Variants in AKAP12 observed in about 807,000 individuals in gnomAD.
AKAP12 encodes the protein A-kinase anchoring protein 12.
Under a neutral mutation model 79.9 loss-of-function variants are expected in AKAP12, and 32 were observed. The ratio of observed to expected loss-of-function variants is 0.40; its 90% CI spans 0.30 to 0.54. The LOEUF (loss-of-function observed/expected upper bound fraction) is 0.54, where lower values mean the gene tolerates loss of function less well. Ranked by LOEUF, AKAP12 falls within the 20% of genes least tolerant of loss-of-function variation. AKAP12 has a pLI of 0.48. For synonymous variants in AKAP12, 808 were observed against 857.0 expected, an observed-to-expected ratio of 0.94 and a Z score of 1.00; for missense variants, 2,074 against 2,177.0, an observed-to-expected ratio of 0.95 and a Z score of 0.94.
chr6:151,350,147 G>A lies in AKAP12; in HGVS notation c.1756G>A (p.Val586Met), dbSNP rs1158853974. Residue 586 changes from valine to methionine, a missense_variant, in exon 4 of 5, where the codon GTG becomes ATG. By Grantham distance (21) the Val-to-Met change is conservative (BLOSUM62 1). Coordinates refer to ENST00000402676, the MANE Select transcript of AKAP12 (RefSeq NM_005100.4). This position sits in a 1 kb window ranked among gnomAD's most constrained non-coding sequence, Gnocchi z 4.8. ...GTGTCTGGAAAAGGGCTTAGCCGAG[G>A]TGCAGCAGGATGGGGAAGCTGAAGA... ...ITCLEKGLAE[V>M]QQDGEAEEGA... The A allele has an allele frequency of 3.1e-6, 5 of 1,614,080 alleles. No individual in the cohort carries two copies. Among genetic ancestry groups the A allele is most frequent in the Non-Finnish European group, 4.2e-6 (5 of 1,180,010 alleles).
chr6:151,333,060 C>T (rs1777717381), intron 3 of AKAP12, among the ~76,000 whole-genome samples: 1 of 152,168 alleles, frequency 6.6e-6, no homozygotes, highest in African/African-American at 2.4e-5. Flanking sequence ...TCAGTGATCC[C>T]AAATCAAAGA....
In AKAP12 at chr6:151,263,624, G is replaced by GC. The variant is rs1303196897; in HGVS notation, c.162+22901dup. ...TTTTGAGTTTCACTCTGTTGCCCAG[G>GC]CTGGAGTGCAATGGCGTGATCTCTG... On this transcript the variant is annotated intron_variant, in intron 2 of 4. Coordinates refer to ENST00000402676, the MANE Select transcript of AKAP12 (RefSeq NM_005100.4). 3.3e-5 allele frequency among the ~76,000 whole-genome samples: 5 copies of GC among 151,956 alleles called. No homozygotes were observed. In the East Asian group the frequency reaches 7.7e-4, roughly 24 times the overall value.
chr6:151,297,038 C>A (rs1270016186), intron 2 of AKAP12, among the ~76,000 whole-genome samples: 1 of 81,576 alleles, frequency 1.2e-5, no homozygotes. Flanking sequence ...TTTTTTTTTG[C>A]CAGTCTGGAT....
chr6:151,283,300 G>A (rs945089322), intron 2 of AKAP12, among the ~76,000 whole-genome samples: 10 of 152,168 alleles, frequency 6.6e-5, no homozygotes, highest in Non-Finnish European at 2.9e-5. Flanking sequence ...AGACAGCATT[G>A]AACACAAAAG....
At chr6:151,289,201 T>A (rs1473752642) in intron 2 of AKAP12, among the ~76,000 whole-genome samples, 1 of 152,210 alleles carries the variant, frequency 6.6e-6, no homozygotes, top group African/African-American at 2.4e-5. Flanking sequence ...GTCACTGCCC[T>A]TCTCCGACAG....
At chr6:151,301,363 T>G (rs1188429480) in intron 2 of AKAP12, among the ~76,000 whole-genome samples, 1 of 152,196 alleles carries the variant, frequency 6.6e-6, no homozygotes, top group East Asian at 1.9e-4. Context: ...CCATTATTTT[T>G]TAAGTGAATG....
chr6:151,309,635 T>C (rs1446769921), intron 3 of AKAP12, among the ~76,000 whole-genome samples: 1 of 152,154 alleles, frequency 6.6e-6, no homozygotes, highest in African/African-American at 2.4e-5. Context: ...CATATAAATA[T>C]TGTCTAAACT....
At chr6:151,287,351 C>T (rs1776526860) in intron 2 of AKAP12, among the ~76,000 whole-genome samples, 1 of 152,204 alleles carries the variant, frequency 6.6e-6, no homozygotes, top group South Asian at 2.1e-4. Context: ...CCTCAACTTC[C>T]TTGGTCTCAG....
chr6:151,340,382 T>C (rs1777917252), intron 3 of AKAP12, among the ~76,000 whole-genome samples: 1 of 152,168 alleles, frequency 6.6e-6, no homozygotes, highest in African/African-American at 2.4e-5. Context: ...TGCAGATGTT[T>C]TGTGTGGACA....
chr6:151,289,822 T>C (rs1169970869), intron 2 of AKAP12, among the ~76,000 whole-genome samples: 2 of 152,198 alleles, frequency 1.3e-5, no homozygotes, highest in Non-Finnish European at 2.9e-5. Flanking sequence ...TTCCCAGATG[T>C]ACTTTCCCTT....
In AKAP12 at chr6:151,351,238, G is replaced by A. The variant is rs777248972; in HGVS notation, c.2847G>A (p.Thr949=). 118 of 1,614,238 alleles carry A rather than the reference G, an allele frequency of 7.3e-5. No homozygotes were observed. The highest frequency in any genetic ancestry group is 9.2e-5 in the Non-Finnish European group (109 of 1,180,054). ...TAATTGCAGAAGAAGAACCCCCCACGGTTACTGAACCTCTGCCAGAGAACA... is the reference window on the plus strand; with the variant it reads ...TAATTGCAGAAGAAGAACCCCCCACAGTTACTGAACCTCTGCCAGAGAACA... ...REVIAEEEPP[T]VTEPLPENRE... Residue 949 remains threonine (T), a synonymous_variant, in exon 4 of 5, where the codon ACG becomes ACA. Transcript: ENST00000402676. This position sits in a 1 kb window ranked among gnomAD's most constrained non-coding sequence, Gnocchi z 4.4.
intron 3 of AKAP12, chr6:151,323,713 C>A: frequency 1.4e-5 from 14 of 985,248 alleles, no homozygotes; most frequent in Non-Finnish European, 1.7e-5. Context: ...TTTTCTTTTT[C>A]TTCCTATCCA....
At chr6:151,327,822 G>T (rs1045270856) in intron 3 of AKAP12, among the ~76,000 whole-genome samples, 5 of 152,114 alleles carry the variant, frequency 3.3e-5, no homozygotes, top group Non-Finnish European at 5.9e-5. Flanking sequence ...GCAAAATTTT[G>T]CACTTTTTCC....
chr6:151,349,808 G>A lies in AKAP12; in HGVS notation c.1417G>A (p.Gly473Arg), dbSNP rs74394319. 1.4e-4 allele frequency: 227 copies of A among 1,614,102 alleles called. No individual in the cohort carries two copies. The East Asian group carries it at 1.6e-3, about 11-fold the overall frequency. Residue 473 changes from glycine (G) to arginine (R), a missense_variant, in exon 4 of 5, where the codon GGA becomes AGA. Gly to Arg is a moderately radical substitution (Grantham distance 125). Around this residue, in one of 3 missense-constraint regions of AKAP12, gnomAD observed 1,428 missense variants for 1,451.0 expected, o/e 0.98. Transcript: ENST00000402676. ...LVKLKETCVS[G>R]EDPTQGADLS... Reference sequence around the variant, plus strand: ...GAAGCTCAAAGAAACGTGTGTTTCCGGAGAGGACCCTACACAGGGAGCTGA... The same window carrying A: ...GAAGCTCAAAGAAACGTGTGTTTCCAGAGAGGACCCTACACAGGGAGCTGA...
At position 151,258,942 on chromosome 6, in the gene AKAP12, G is replaced by A. The variant is rs544868262; in HGVS notation, c.162+18218G>A. On this transcript the variant is annotated intron_variant, in intron 2 of 4. Transcript: ENST00000402676. The stretch of plus-strand genomic sequence containing the variant: ...GTGCCCAGCCTGTGTGTGTGTGTGT[G>A]TGTGTGTTTATATACACACTATATA... Among the ~76,000 whole-genome samples the A allele has an allele frequency of 4.6e-5, 7 of 151,646 alleles. 1 individual carries two copies. The highest frequency in any genetic ancestry group is 1.7e-4 in the African/African-American group (7 of 41,302).
chr6:151,288,220 A>AT (rs1013347004), intron 2 of AKAP12, among the ~76,000 whole-genome samples: 1 of 151,848 alleles, frequency 6.6e-6, no homozygotes, highest in African/African-American at 2.4e-5. Context: ...TTTAAAAAAA[A>AT]AAAAAGAATT....
At chr6:151,299,771 G>A (rs1004760574) in intron 2 of AKAP12, among the ~76,000 whole-genome samples, 1 of 128,132 alleles carries the variant, frequency 7.8e-6, no homozygotes, top group Non-Finnish European at 1.7e-5. Context: ...TTTTTTTTTT[G>A]CTATTATGAA....
chr6:151,344,782 C>G (rs1168308714), intron 3 of AKAP12, among the ~76,000 whole-genome samples: 1 of 152,144 alleles, frequency 6.6e-6, no homozygotes, highest in African/African-American at 2.4e-5. Context: ...GATCCACCTG[C>G]CTGGACCTCC....
chr6:151,313,076 C>T (rs774492507), intron 3 of AKAP12, among the ~76,000 whole-genome samples: 13 of 152,150 alleles, frequency 8.5e-5, no homozygotes, highest in East Asian at 1.9e-4. Context: ...TTAAAGACTG[C>T]GGCTTTGTAC....
Sources: gnomAD v4.1 joint callset for allele counts (sites outside exome capture counted in the v4.1 genomes callset) on GRCh38, gnomAD v4.1.1 for gene constraint, gnomAD v4.1.1 regional missense constraint, Gnocchi (gnomAD v3.1) non-coding constraint, MANE v1.5 for transcripts, NCBI Gene and HGNC (gene_info 2026-07-23, HGNC 2026-07-21) for gene names.